The following SLC26A8 variants were observed in gnomAD, a reference collection of about 807,000 sequenced individuals.
SLC26A8 encodes solute carrier family 26 member 8.
Under a neutral mutation model 105.0 loss-of-function variants are expected in SLC26A8, and 70 were observed. The observed-to-expected ratio is 0.67, with a 90% CI of 0.55 to 0.81. The LOEUF is 0.81. SLC26A8 is among the 40% of genes least tolerant of loss of function. SLC26A8 has a pLI of 0.00. For missense variants in SLC26A8, 998 were observed against 1,181.8 expected, an observed-to-expected ratio of 0.84 and a Z score of 2.28; for synonymous variants, 415 against 438.3, an observed-to-expected ratio of 0.95 and a Z score of 0.66.
At chr6:35,970,091 G>A (rs534262650) in intron 10 of SLC26A8, among the ~76,000 whole-genome samples, 1 of 152,118 alleles carries the variant, frequency 6.6e-6, no homozygotes, top group Non-Finnish European at 1.5e-5. Context: ...TTTTCACTGC[G>A]ATGGGAATAG....
In SLC26A8 at chr6:35,977,954, C is replaced by T. The variant is rs375834650; in HGVS notation, c.1026-603G>A. Among the ~76,000 whole-genome samples the T allele has an allele frequency of 2.1e-3, 321 of 151,810 alleles. 1 individual carries two copies. The highest frequency in any genetic ancestry group is 6.9e-3 in the African/African-American group (286 of 41,420). On this transcript the variant is annotated intron_variant, in intron 8 of 19. Transcript: ENST00000490799. ...ATAAAAAATTAGCCGGGTGTGGTGGCGTGCATCTGTAATCCCAGCTACTCT... is the reference window on the plus strand; with the variant it reads ...ATAAAAAATTAGCCGGGTGTGGTGGTGTGCATCTGTAATCCCAGCTACTCT...
In SLC26A8 at chr6:35,960,856, T is replaced by C. The variant is rs115224596; in HGVS notation, c.1625A>G (p.Asn542Ser). ...IPNTNIYRSI[N>S]DYREIITIPG... is the part of the protein sequence containing the mutation. ...TTGGATTCTTACCTCCCGATAATCA[T>C]TGATGCTTCTATAAATGTTGGTGTT... is the stretch of plus-strand genomic sequence containing the variant. Residue 542 changes from asparagine to serine, a missense_variant, in exon 14 of 20, where the codon AAT (asparagine) becomes AGT (serine). Asn to Ser is a conservative substitution (Grantham distance 46). Transcript: ENST00000490799. The C allele has an allele frequency of 8.4e-4, 1,353 of 1,614,114 alleles. 4 individuals carry two copies. The African/African-American group carries it at 0.011, about 13-fold the overall frequency.
In SLC26A8 at chr6:35,977,233, G is replaced by A; in HGVS notation, c.1144C>T (p.Leu382Phe). ...TTGGAATTGACACTGTAATTGTGAA[G>A]ACTGGCAATCTTCTTGCCCAGAAAT... is the stretch of plus-strand genomic sequence containing the variant. Reference protein sequence around the residue: ...LIFLGKKIASLHNYSVNSNQD... With the variant: ...LIFLGKKIASFHNYSVNSNQD... The change falls in exon 9 of 20, where the codon CTT (leucine) becomes TTT (phenylalanine). Residue 382 changes from leucine to phenylalanine, a missense_variant. Physicochemically the swap from Leu to Phe is conservative, Grantham distance 22. Transcript: ENST00000490799. The A allele has an allele frequency of 6.2e-7, 1 of 1,614,066 alleles. No homozygotes were observed. The highest frequency in any genetic ancestry group is 8.5e-7 in the Non-Finnish European group (1 of 1,180,000).
chr6:35,955,472 A>AG lies in SLC26A8; in HGVS notation c.1911dup (p.Ser638LeufsTer3). Reference sequence around the variant, plus strand: ...TGTGAGCAGTGAATCAGGTTAATGGAGGATGCTTCGGGATCCAGTTTATTT... The same window carrying AG: ...TGTGAGCAGTGAATCAGGTTAATGGAGGGATGCTTCGGGATCCAGTTTATTT... On this transcript the variant is annotated frameshift_variant, in exon 17 of 20. Transcript: ENST00000490799. LOFTEE classifies it high-confidence loss of function. 6.2e-7 allele frequency: 1 copy of AG among 1,614,156 alleles called. No individual in the cohort carries two copies. The highest frequency in any genetic ancestry group is 2.2e-5 in the East Asian group (1 of 44,882).
At chr6:35,990,801 T>C (rs528418990) in intron 7 of SLC26A8, among the ~76,000 whole-genome samples, 137 of 152,354 alleles carry the variant, frequency 9.0e-4, no homozygotes, top group Middle Eastern at 3.4e-3. Context: ...TAGTTGACTT[T>C]GGATGGTGCA....
chr6:35,987,129 A>C lies in SLC26A8; in HGVS notation c.942+4530T>G, dbSNP rs940033841. On this transcript the variant is annotated intron_variant, in intron 7 of 19. Transcript: ENST00000490799. ...TGCACCTCTACAAGAACTAGGTAAC[A>C]GTTATAAGAAAGTTTAGTCTAAAGT... 5.9e-5 allele frequency among the ~76,000 whole-genome samples: 9 copies of C among 152,238 alleles called. 1 individual carries two copies. The highest frequency in any genetic ancestry group is 5.2e-4 in the Admixed American group (8 of 15,282).
chr6:35,959,773 A>G lies in SLC26A8; in HGVS notation c.1672T>C (p.Cys558Arg). 2 of 1,609,286 alleles carry G rather than the reference A, an allele frequency of 1.2e-6. No individual in the cohort carries two copies. Among genetic ancestry groups the G allele is most frequent in the Non-Finnish European group, 1.7e-6 (2 of 1,179,002 alleles). ...ITIPGVKIFQ[C>R]CSSITFVNVY... ...TTTACAAATGTAATTGAGCTGCAGC[A>G]CTGGAAGATTTTCACCCCAGGAATG... The change falls in exon 15 of 20, where the codon TGC (cysteine) becomes CGC (arginine). Residue 558 changes from cysteine to arginine, a missense_variant. Transcript: ENST00000490799.
Position 35,955,473 on chromosome 6 carries a change from G to T in SLC26A8, c.1911C>A (p.Ser637=). 5 of 1,614,138 alleles carry T rather than the reference G, an allele frequency of 3.1e-6. No homozygotes were observed. The South Asian group carries it at 5.5e-5, about 18-fold the overall frequency. ...GTGAGCAGTGAATCAGGTTAATGGA[G>T]GATGCTTCGGGATCCAGTTTATTTT... is the stretch of plus-strand genomic sequence containing the variant. The part of the protein sequence containing the change: ...RFENKLDPEA[S]SINLIHCSHF... The change falls in exon 17 of 20, where the codon TCC becomes TCA. Residue 637 remains serine (S), a synonymous_variant. Coordinates refer to ENST00000490799, the MANE Select transcript of SLC26A8 (RefSeq NM_052961.4).
intron 7 of SLC26A8, among the ~76,000 whole-genome samples, chr6:35,985,497 A>G (rs988756801): frequency 6.6e-6 from 1 of 151,888 alleles, no homozygotes; most frequent in Non-Finnish European, 1.5e-5. Flanking sequence ...GATCGAGACC[A>G]TCCTGGCCAA....
intron 11 of SLC26A8, 75 bp from the exon 12 acceptor site, chr6:35,962,696 C>A: frequency 1.4e-6 from 2 of 1,421,758 alleles, no homozygotes; most frequent in Non-Finnish European, 9.8e-7. Context: ...CAAGGAATCA[C>A]AAAAAGTTAG....
chr6:35,962,225 CA>C (rs35900014), intron 12 of SLC26A8, among the ~76,000 whole-genome samples: 51,680 of 116,316 alleles, frequency 0.44, 9,095 homozygotes, highest in Middle Eastern at 0.57. Flanking sequence ...GACTCCGTCT[CA>C]AAAAAAAAAA....
chr6:36,016,124 G>C (rs930082530), intron 2 of SLC26A8, among the ~76,000 whole-genome samples: 6 of 151,976 alleles, frequency 3.9e-5, no homozygotes, highest in Admixed American at 1.3e-4. Context: ...CTCTCGGGTA[G>C]CTGGGACTAC....
intron 10 of SLC26A8, 162 bp from the exon 11 acceptor site, chr6:35,969,116 A>G (rs1228358408): frequency 3.2e-6 from 2 of 622,556 alleles, no homozygotes; most frequent in East Asian, 5.8e-5. Context: ...AAGTCTTATC[A>G]AAGTGCTAAA....
At chr6:36,020,017 G>A (rs1479424962) in intron 1 of SLC26A8, among the ~76,000 whole-genome samples, 1 of 152,168 alleles carries the variant, frequency 6.6e-6, no homozygotes, top group Admixed American at 6.5e-5. Flanking sequence ...TATGTTGTAG[G>A]AAAATGATCA....
chr6:35,975,649 C>G (rs576571095), intron 9 of SLC26A8, among the ~76,000 whole-genome samples, 161 bp from the exon 10 acceptor site: 1 of 151,772 alleles, frequency 6.6e-6, no homozygotes, highest in Non-Finnish European at 1.5e-5. Flanking sequence ...TGAGGTGGCT[C>G]ACACCTATAA....
chr6:35,944,735 AT>A (rs1467322885), intron 19 of SLC26A8, among the ~76,000 whole-genome samples: 1 of 151,904 alleles, frequency 6.6e-6, no homozygotes. Flanking sequence ...AAAACCCAGA[AT>A]TTTAATTTTT....
At chr6:35,958,508 A>T (rs1441816330) in intron 16 of SLC26A8, among the ~76,000 whole-genome samples, 1 of 150,758 alleles carries the variant, frequency 6.6e-6, no homozygotes, top group Non-Finnish European at 1.5e-5. Flanking sequence ...GAAAAAAACA[A>T]GCCAGGTATG....
chr6:36,019,733 A>G (rs1281316131), intron 1 of SLC26A8, 24 bp from the exon 2 acceptor site: 1 of 1,574,934 alleles, frequency 6.3e-7, no homozygotes, highest in South Asian at 1.2e-5. Flanking sequence ...AAGAGAGCAA[A>G]TAAAAGAGCA....
chr6:35,955,983 A>G (rs1178244874), intron 16 of SLC26A8, among the ~76,000 whole-genome samples: 2 of 152,148 alleles, frequency 1.3e-5, no homozygotes, highest in Non-Finnish European at 2.9e-5. Context: ...GCTCATGCCT[A>G]TAATTCTAGC....
Sources: gnomAD v4.1 joint callset for allele counts (sites outside exome capture counted in the v4.1 genomes callset) on GRCh38, gnomAD v4.1.1 for gene constraint, MANE v1.5 for transcripts, NCBI Gene and HGNC (gene_info 2026-07-23, HGNC 2026-07-21) for gene names.